Variants in RAB27A observed in about 807,000 individuals in gnomAD.
RAB27A encodes RAB27A, member RAS oncogene family.
RAB27A carries 17 observed loss-of-function variants against 20.8 expected under a neutral mutation model. The ratio of observed to expected loss-of-function variants is 0.82; its 90% CI spans 0.56 to 1.23. RAB27A has a LOEUF of 1.23. Among genes scored for constraint, RAB27A ranks in the 50% most tolerant of loss-of-function variants. The probability of loss-of-function intolerance (pLI) is 0.00; values close to 1 mark genes in which losing one functional copy is unlikely to be tolerated. For missense variants in RAB27A, 277 were observed against 266.7 expected, an observed-to-expected ratio of 1.04 and a Z score of -0.27; for synonymous variants, 85 against 92.8, an observed-to-expected ratio of 0.92 and a Z score of 0.48.
intron 2 of RAB27A, among the ~76,000 whole-genome samples, chr15:55,259,318 G>A (rs977409720): frequency 3.4e-5 from 5 of 148,612 alleles, no homozygotes; most frequent in African/African-American, 1.2e-4. Flanking sequence ...TTTTTTAATG[G>A]AGACACGGTC....
chr15:55,318,431 G>T (rs1176040810), intron 1 of RAB27A, among the ~76,000 whole-genome samples: 1 of 145,446 alleles, frequency 6.9e-6, no homozygotes, highest in Admixed American at 6.8e-5. Context: ...TGGGCCGCAC[G>T]CGGTGGCTCA....
intron 2 of RAB27A, among the ~76,000 whole-genome samples, chr15:55,299,502 G>A (rs1343683701): frequency 6.6e-6 from 1 of 151,274 alleles, no homozygotes; most frequent in African/African-American, 2.4e-5. Flanking sequence ...GCTGAGGCAG[G>A]AGAATTGCTC....
chr15:55,234,278 C>T (rs1317112068), intron 3 of RAB27A, among the ~76,000 whole-genome samples: 5 of 152,176 alleles, frequency 3.3e-5, no homozygotes, highest in Non-Finnish European at 7.3e-5. Flanking sequence ...CAACATTCTG[C>T]AGAACATCAC....
At chr15:55,211,965 T>G (rs1895047844) in intron 6 of RAB27A, among the ~76,000 whole-genome samples, 1 of 151,948 alleles carries the variant, frequency 6.6e-6, no homozygotes, top group Non-Finnish European at 1.5e-5. Context: ...AACCTTTTTT[T>G]TTTTTTTTTT....
At chr15:55,262,061 TAA>T in intron 2 of RAB27A, among the ~76,000 whole-genome samples, 1 of 150,872 alleles carries the variant, frequency 6.6e-6, no homozygotes, top group Non-Finnish European at 1.5e-5. Context: ...AAGTTTTCAA[TAA>T]ACTCTTTTCA....
intron 2 of RAB27A, 39 bp from the exon 3 acceptor site, chr15:55,234,995 T>C: frequency 2.1e-6 from 3 of 1,438,246 alleles, no homozygotes; most frequent in Non-Finnish European, 2.9e-6. Flanking sequence ...TAAAATCCAT[T>C]AGAAAACATT....
intron 2 of RAB27A, among the ~76,000 whole-genome samples, chr15:55,306,730 C>T (rs534367730): frequency 3.3e-5 from 5 of 152,262 alleles, no homozygotes; most frequent in Admixed American, 2.0e-4. Context: ...AACTCCTATA[C>T]GATGGGGCAT....
intron 2 of RAB27A, among the ~76,000 whole-genome samples, chr15:55,312,230 G>A (rs1423813200): frequency 6.6e-6 from 1 of 152,184 alleles, no homozygotes; most frequent in Non-Finnish European, 1.5e-5. Context: ...CGGCGGGTCT[G>A]CGACAGCGGC....
At position 55,319,038 on chromosome 15, in the gene RAB27A, G is replaced by A. The variant is rs570726891; in HGVS notation, c.-341C>T. On this transcript the variant is annotated 5_prime_UTR_variant, in exon 1 of 6. Coordinates refer to the RAB27A transcript ENST00000563262. ...TTTCGGACCCCCGAGCACAGAGACC[G>A]CCAAGCCAAAGGCGAGTAGCAATCC... 1.1e-5 allele frequency: 6 copies of A among 563,708 alleles called. No homozygotes were observed. In the African/African-American group the frequency reaches 1.2e-4, roughly 11 times the overall value. 34.9% of individuals were successfully genotyped at this position (563,708 alleles called of 1,614,324 possible).
At chr15:55,209,840 G>GTA (rs1216541391) in intron 6 of RAB27A, among the ~76,000 whole-genome samples, 2 of 101,816 alleles carry the variant, frequency 2.0e-5, no homozygotes, top group African/African-American at 1.1e-4. Flanking sequence ...ATATATGTGT[G>GTA]TACACATATA....
At chr15:55,288,701 G>C (rs1898225178) in intron 1 of RAB27A, 1 of 151,640 alleles carries the variant, frequency 6.6e-6, no homozygotes, top group African/African-American at 2.4e-5. Context: ...ATAAAATACA[G>C]AAAATAATGA....
intron 2 of RAB27A, among the ~76,000 whole-genome samples, chr15:55,298,225 T>C (rs936106042): frequency 2.1e-5 from 3 of 141,366 alleles, no homozygotes; most frequent in Non-Finnish European, 3.1e-5. Context: ...AAAAAAAAAG[T>C]CAGTTGTGGG....
At chr15:55,274,063 C>T (rs774753985) in intron 1 of RAB27A, among the ~76,000 whole-genome samples, 9 of 152,008 alleles carry the variant, frequency 5.9e-5, no homozygotes, top group Non-Finnish European at 1.0e-4. Context: ...CTGACCACAC[C>T]GATATGTAAC....
chr15:55,229,169 C>A (rs908334868), intron 4 of RAB27A, among the ~76,000 whole-genome samples: 1 of 152,116 alleles, frequency 6.6e-6, no homozygotes, highest in African/African-American at 2.4e-5. Flanking sequence ...ACTCTGCCTT[C>A]CAAGGCTTTA....
At chr15:55,317,494 C>T (rs28685005) in intron 1 of RAB27A, 139,580 of 314,894 alleles carry the variant, frequency 0.44, 36,157 homozygotes, top group African/African-American at 0.79. Flanking sequence ...TTTGTATTTT[C>T]AGTAGAGACA....
At chr15:55,236,040 A>G (rs1896243318) in intron 2 of RAB27A, among the ~76,000 whole-genome samples, 1 of 152,026 alleles carries the variant, frequency 6.6e-6, no homozygotes, top group Non-Finnish European at 1.5e-5. Flanking sequence ...TGAGGGATAA[A>G]AGACTACAGA....
chr15:55,218,400 CTAAGT>C (rs1895413017), intron 6 of RAB27A, among the ~76,000 whole-genome samples: 2 of 152,170 alleles, frequency 1.3e-5, no homozygotes, highest in South Asian at 2.1e-4. Context: ...TGCTACATCG[CTAAGT>C]TATTTCTCAA....
At chr15:55,283,113 C>T (rs755520005) in intron 1 of RAB27A, among the ~76,000 whole-genome samples, 7 of 152,108 alleles carry the variant, frequency 4.6e-5, no homozygotes, top group Non-Finnish European at 1.0e-4. Flanking sequence ...TTCTTAGCGT[C>T]GGCACTGTTG....
At chr15:55,244,712 GAGC>G (rs1175784154) in intron 2 of RAB27A, among the ~76,000 whole-genome samples, 1 of 152,124 alleles carries the variant, frequency 6.6e-6, no homozygotes, top group Non-Finnish European at 1.5e-5. Context: ...AGAGAAACAG[GAGC>G]AGATGAATAT....
Sources: allele counts gnomAD v4.1 joint callset (sites outside exome capture counted in the v4.1 genomes callset), GRCh38; gene constraint gnomAD v4.1.1; transcripts MANE v1.5; gene names NCBI Gene and HGNC (gene_info 2026-07-23, HGNC 2026-07-21).